RIMKLB: variants seen among roughly 807,000 people sequenced by gnomAD.
The protein encoded by RIMKLB is ribosomal modification protein rimK like family member B.
RIMKLB carries 7 observed loss-of-function variants against 32.0 expected under a neutral mutation model. That is an observed-to-expected ratio of 0.22 (90% CI 0.12 to 0.41). The LOEUF (loss-of-function observed/expected upper bound fraction) is 0.41. RIMKLB is among the 10% of genes least tolerant of loss of function. RIMKLB has a pLI of 1.00. For missense variants in RIMKLB, 289 were observed against 498.7 expected (o/e 0.58, Z 4.00); for synonymous variants, 172 against 185.1 (o/e 0.93, Z 0.57).
At chr12:8,694,585 A>C (rs1397818562), upstream of RIMKLB, among the ~76,000 whole-genome samples, 1 of 151,334 alleles carries the variant, frequency 6.6e-6, no homozygotes, top group East Asian at 2.0e-4. Context: ...GTAGAGGCAG[A>C]GTTTCACCAT....
chr12:8,669,299 G>T, the RIMKLB span, among the ~76,000 whole-genome samples: 1 of 152,068 alleles, frequency 6.6e-6, no homozygotes, highest in African/African-American at 2.4e-5. Flanking sequence ...TTACTATGGG[G>T]AGAACACCAA....
At chr12:8,703,324 G>A (rs1455517775) in intron 1 of RIMKLB, among the ~76,000 whole-genome samples, 2 of 152,024 alleles carry the variant, frequency 1.3e-5, no homozygotes, top group Non-Finnish European at 2.9e-5. Context: ...ATGTTGTTTG[G>A]ATTCCAGAAG....
intron 1 of RIMKLB, among the ~76,000 whole-genome samples, chr12:8,703,144 GGT>G: frequency 6.6e-6 from 1 of 152,172 alleles, no homozygotes. Flanking sequence ...AAATTAGCTG[GGT>G]GTAGTGGCAC....
downstream of RIMKLB, among the ~76,000 whole-genome samples, chr12:8,778,226 A>T (rs967985666): frequency 6.6e-6 from 1 of 152,230 alleles, no homozygotes; most frequent in African/African-American, 2.4e-5. Flanking sequence ...AGGTATGGAA[A>T]ACTAGAGTTT....
chr12:8,746,598 CAAAAA>C (rs1185862870), intron 2 of RIMKLB, among the ~76,000 whole-genome samples: 1 of 54,954 alleles, frequency 1.8e-5, no homozygotes, highest in Non-Finnish European at 3.8e-5. Context: ...GACTCTGTCT[CAAAAA>C]AAAAAAAAAA....
At chr12:8,697,939 C>A (rs1005869275), upstream of RIMKLB, 2 of 150,036 alleles carry the variant, frequency 1.3e-5, no homozygotes, top group African/African-American at 2.4e-5. Flanking sequence ...GGGAGCGGGG[C>A]GGTCTCCGCC....
chr12:8,713,914 C>A lies in RIMKLB; in HGVS notation c.48C>A (p.Arg16=). ...AGTTGTGGTTTTTGACAGATCGTCG[C>A]ATCAGGGAAGACTATCCTCAAAAAG... The part of the protein sequence containing the change: ...AAKLWFLTDR[R]IREDYPQKEI... The change falls in exon 2 of 6, where the codon CGC becomes CGA. Residue 16 remains arginine (R), a synonymous_variant. Transcript: ENST00000535829. 2 of 1,614,078 alleles carry A rather than the reference C, an allele frequency of 1.2e-6. No individual in the cohort carries two copies. Among genetic ancestry groups the A allele is most frequent in the Non-Finnish European group, 1.7e-6 (2 of 1,180,020 alleles).
intron 1 of RIMKLB, among the ~76,000 whole-genome samples, chr12:8,705,022 T>G (rs1943738739): frequency 6.7e-6 from 1 of 149,248 alleles, no homozygotes; most frequent in Non-Finnish European, 1.5e-5. Context: ...TAAAACCATT[T>G]GAGCTCAGAC....
Position 8,773,890 on chromosome 12 carries a change from A to G in RIMKLB, c.*106A>G, listed in dbSNP as rs1024025278. The G allele has an allele frequency of 1.5e-5, 22 of 1,460,080 alleles. No homozygotes were observed. Among genetic ancestry groups the G allele is most frequent in the Non-Finnish European group, 1.8e-5 (20 of 1,108,098 alleles). The allele number at this position is 1,460,080 out of a possible 1,614,324, so 90.4% of individuals were successfully genotyped here. ...TTCATGGAGGATGCTCAGGAAGATG[A>G]GAGAAAATTAGTAGGATTAGTTGGA... On this transcript the variant is annotated 3_prime_UTR_variant, in exon 6 of 6. Transcript: ENST00000535829.
rs1437896554 is a variant in RIMKLB at position 8,775,355 on chromosome 12, A to G, written c.*1571A>G. 1 of 985,266 alleles carries G rather than the reference A, an allele frequency of 1.0e-6. No individual in the cohort carries two copies. Among genetic ancestry groups the G allele is most frequent in the African/African-American group, 1.7e-5 (1 of 57,238 alleles). 61.0% of individuals were successfully genotyped at this position (985,266 alleles called of 1,614,324 possible). ...GAATTTATAAAAGCCCCCAAACTGC[A>G]TATAATATGAGCCTTTAAAACATGG... On this transcript the variant is annotated 3_prime_UTR_variant, in exon 6 of 6. Transcript: ENST00000535829.
At position 8,724,137 on chromosome 12, in the gene RIMKLB, A is replaced by G. The variant is rs762247619; in HGVS notation, c.175+10096A>G. On this transcript the variant is annotated intron_variant, in intron 2 of 5. Transcript: ENST00000535829. ...ACCTGGCCATTCTTCAGTCGTTTTCATTCTTTTTTGTTTCTGTTTCACTGA... is the reference window on the plus strand; with the variant it reads ...ACCTGGCCATTCTTCAGTCGTTTTCGTTCTTTTTTGTTTCTGTTTCACTGA... 3.9e-5 allele frequency among the ~76,000 whole-genome samples: 6 copies of G among 152,174 alleles called. No individual in the cohort carries two copies. In the East Asian group the frequency reaches 9.6e-4, roughly 24 times the overall value.
chr12:8,706,748 C>T (rs936724468), intron 1 of RIMKLB, among the ~76,000 whole-genome samples: 8 of 151,820 alleles, frequency 5.3e-5, no homozygotes, highest in Non-Finnish European at 3.0e-5. Flanking sequence ...ACCACCATGC[C>T]TGTCCTTTTT....
chr12:8,769,375 AG>A (rs1950228916), intron 5 of RIMKLB, among the ~76,000 whole-genome samples: 1 of 152,146 alleles, frequency 6.6e-6, no homozygotes, highest in Non-Finnish European at 1.5e-5. Flanking sequence ...TACTCTGGTC[AG>A]GAGAAATAAA....
chr12:8,706,015 T>C (rs779271489), intron 1 of RIMKLB, among the ~76,000 whole-genome samples: 4 of 152,350 alleles, frequency 2.6e-5, no homozygotes, highest in African/African-American at 9.6e-5. Flanking sequence ...CCTTCAGCAA[T>C]GTATAGACTA....
intron 1 of RIMKLB, among the ~76,000 whole-genome samples, chr12:8,688,794 G>A: frequency 6.6e-6 from 1 of 151,882 alleles, no homozygotes; most frequent in Non-Finnish European, 1.5e-5. Context: ...TTTTGTGTGT[G>A]TGATTAAAAT....
chr12:8,741,326 C>A (rs1332656328), intron 2 of RIMKLB, among the ~76,000 whole-genome samples: 1 of 150,850 alleles, frequency 6.6e-6, no homozygotes, highest in Non-Finnish European at 1.5e-5. Flanking sequence ...TGCAGTGAGC[C>A]GAGATCGCAC....
chr12:8,759,814 C>T lies in RIMKLB; in HGVS notation c.697+5721C>T, dbSNP rs145205065. Among the ~76,000 whole-genome samples, 471 of 152,240 alleles carry T rather than the reference C, an allele frequency of 3.1e-3. 6 individuals carry two copies. Among genetic ancestry groups the T allele is most frequent in the African/African-American group, 0.011 (451 of 41,524 alleles). ...ATTTCTGTCTAGTTTCTGATTTCCA[C>T]TGAAATAGGTTTAGTGTTTTGCTAT... On this transcript the variant is annotated intron_variant, in intron 5 of 5. Coordinates refer to ENST00000535829, the MANE Select transcript of RIMKLB (RefSeq NM_001297776.2).
At chr12:8,669,764 A>G in the RIMKLB span, among the ~76,000 whole-genome samples, 1 of 152,116 alleles carries the variant, frequency 6.6e-6, no homozygotes, top group Non-Finnish European at 1.5e-5. Flanking sequence ...GCGGTGGCTC[A>G]TGCCTGTAAT....
At chr12:8,736,907 G>A (rs910241980) in intron 2 of RIMKLB, among the ~76,000 whole-genome samples, 6 of 152,078 alleles carry the variant, frequency 3.9e-5, no homozygotes, top group South Asian at 2.1e-4. Context: ...TGCCTCCCGC[G>A]TTCAGGCAGT....
Sources: allele counts gnomAD v4.1 joint callset (sites outside exome capture counted in the v4.1 genomes callset), GRCh38; gene constraint gnomAD v4.1.1; transcripts MANE v1.5; gene names NCBI Gene and HGNC (gene_info 2026-07-23, HGNC 2026-07-21).